MPHOSPH6: variants seen among roughly 807,000 people sequenced by gnomAD.
MPHOSPH6 encodes the protein M-phase phosphoprotein 6.
In MPHOSPH6, 25 loss-of-function variants were observed where a neutral mutation model predicts 21.8. That is an observed-to-expected ratio of 1.15 (90% CI 0.83 to 1.60). The LOEUF (loss-of-function observed/expected upper bound fraction) is 1.60. Among genes scored for constraint, MPHOSPH6 ranks in the 40% most tolerant of loss-of-function variants. The probability of loss-of-function intolerance (pLI) is 0.00; values close to 1 mark genes in which losing one functional copy is unlikely to be tolerated. For missense variants in MPHOSPH6, 269 were observed against 181.8 expected (o/e 1.48, Z -2.76); for synonymous variants, 84 against 56.5 (o/e 1.49, Z -2.18).
At chr16:82,168,045 C>A (rs2084268564) in intron 1 of MPHOSPH6, among the ~76,000 whole-genome samples, 1 of 152,212 alleles carries the variant, frequency 6.6e-6, no homozygotes, top group African/African-American at 2.4e-5. Context: ...AGCTGCTAAA[C>A]CAAATAGAGA....
intron 2 of MPHOSPH6, among the ~76,000 whole-genome samples, chr16:82,153,191 C>T (rs1906322466): frequency 6.6e-6 from 1 of 151,978 alleles, no homozygotes; most frequent in African/African-American, 2.4e-5. Flanking sequence ...GAAAGAGGGG[C>T]CAAATAATGA....
intron 1 of MPHOSPH6, among the ~76,000 whole-genome samples, chr16:82,166,059 A>C (rs72628279): frequency 0.64 from 97,241 of 151,956 alleles, 33,664 homozygotes; most frequent in East Asian, 0.78. Context: ...ACGCAAAATG[A>C]GTGCGTGTAA....
intron 2 of MPHOSPH6, among the ~76,000 whole-genome samples, chr16:82,153,517 G>A (rs1906333978): frequency 6.6e-6 from 1 of 152,116 alleles, no homozygotes; most frequent in Non-Finnish European, 1.5e-5. Context: ...GAGACAAACT[G>A]TTTCATTGGG....
intron 1 of MPHOSPH6, 114 bp downstream of exon 1, chr16:82,170,011 A>G (rs1451141369): frequency 1.3e-5 from 15 of 1,167,080 alleles, no homozygotes; most frequent in Middle Eastern, 2.3e-4. Flanking sequence ...CGAGAGCTGG[A>G]AGCCCTCTGA....
chr16:82,168,732 A>G (rs773166250), intron 1 of MPHOSPH6, among the ~76,000 whole-genome samples: 1 of 152,230 alleles, frequency 6.6e-6, no homozygotes, highest in Non-Finnish European at 1.5e-5. Context: ...TCAGCCTCTC[A>G]AAGTGCTGGG....
At chr16:82,164,370 A>G (rs1001902696) in intron 1 of MPHOSPH6, among the ~76,000 whole-genome samples, 176 bp from the exon 2 acceptor site, 1 of 152,212 alleles carries the variant, frequency 6.6e-6, no homozygotes, top group Non-Finnish European at 1.5e-5. Context: ...ACTTTACACT[A>G]GACGATGAGG....
chr16:82,153,453 A>G (rs1248381844), intron 2 of MPHOSPH6, among the ~76,000 whole-genome samples: 1 of 152,262 alleles, frequency 6.6e-6, no homozygotes, highest in Non-Finnish European at 1.5e-5. Context: ...CAATTTCCAG[A>G]TTGTGGAGCA....
intron 2 of MPHOSPH6, chr16:82,163,817 C>T: frequency 3.0e-6 from 1 of 332,324 alleles, no homozygotes; most frequent in Non-Finnish European, 5.4e-6. Flanking sequence ...CAAAGGTCTG[C>T]TGTTACTATC....
intron 1 of MPHOSPH6, among the ~76,000 whole-genome samples, chr16:82,169,474 T>G (rs993447961): frequency 1.2e-4 from 18 of 152,242 alleles, no homozygotes; most frequent in African/African-American, 3.9e-4. Flanking sequence ...GGACTTGGAC[T>G]GAGTACTTCT....
At chr16:82,159,748 G>C (rs1031656011) in intron 2 of MPHOSPH6, among the ~76,000 whole-genome samples, 2 of 152,114 alleles carry the variant, frequency 1.3e-5, no homozygotes, top group African/African-American at 4.8e-5. Context: ...TAGCTTCTGA[G>C]TTCCAAAACT....
chr16:82,169,957 C>T (rs1159061148), intron 1 of MPHOSPH6, 168 bp downstream of exon 1: 5 of 762,244 alleles, frequency 6.6e-6, no homozygotes, highest in Non-Finnish European at 9.7e-6. Context: ...TAAGCTGGTT[C>T]CCAGTAAACA....
intron 2 of MPHOSPH6, among the ~76,000 whole-genome samples, chr16:82,160,160 T>C (rs1906562564): frequency 6.6e-6 from 1 of 152,222 alleles, no homozygotes. Context: ...AGGTGTTTTG[T>C]ATCTACATGC....
intron 2 of MPHOSPH6, among the ~76,000 whole-genome samples, chr16:82,158,981 T>A (rs1906521956): frequency 6.6e-6 from 1 of 152,208 alleles, no homozygotes; most frequent in East Asian, 1.9e-4. Context: ...GACCAAGACA[T>A]GAAAAATTCA....
intron 2 of MPHOSPH6, 28 bp from the exon 3 acceptor site, chr16:82,151,542 C>T (rs747260099): frequency 2.6e-6 from 4 of 1,558,112 alleles, no homozygotes; most frequent in East Asian, 2.3e-5. Context: ...AATAGCATTT[C>T]TCCATATATA....
At position 82,149,375 on chromosome 16, in the gene MPHOSPH6, T is replaced by A; in HGVS notation, c.284A>T (p.His95Leu). The A allele has an allele frequency of 1.2e-6, 2 of 1,612,774 alleles. No individual in the cohort carries two copies. Among genetic ancestry groups the A allele is most frequent in the Non-Finnish European group, 1.7e-6 (2 of 1,180,030 alleles). The change falls in exon 4 of 5, where the codon CAC becomes CTC. Residue 95 changes from histidine (H) to leucine (L), a missense_variant. His to Leu is a moderately conservative substitution (Grantham distance 99). Coordinates refer to ENST00000258169, the MANE Select transcript of MPHOSPH6 (RefSeq NM_005792.2). ...TTCATCTTCAACTTCTTCTGCTTTG[T>A]GCTTAGCATTCATCTGAAGCATCAA... Reference protein sequence around the residue: ...EKLMLQMNAKHKAEEVEDETV... With the variant: ...EKLMLQMNAKLKAEEVEDETV...
chr16:82,162,438 C>T (rs1025515845), intron 2 of MPHOSPH6: 27 of 152,412 alleles, frequency 1.8e-4, no homozygotes, highest in African/African-American at 6.5e-4. Flanking sequence ...CTGACTTGAA[C>T]GTAATGCACG....
intron 1 of MPHOSPH6, among the ~76,000 whole-genome samples, chr16:82,165,477 T>C (rs1437379732): frequency 6.6e-6 from 1 of 152,096 alleles, no homozygotes; most frequent in Admixed American, 6.5e-5. Context: ...ATAAGCCTTT[T>C]TAGGCATAAG....
intron 2 of MPHOSPH6, among the ~76,000 whole-genome samples, chr16:82,152,198 TAC>T (rs959996828): frequency 1.1e-4 from 17 of 152,228 alleles, no homozygotes; most frequent in African/African-American, 3.1e-4. Context: ...GGTGCACTTA[TAC>T]ACAGATTTTT....
chr16:82,157,219 T>G (rs1906456769), intron 2 of MPHOSPH6, among the ~76,000 whole-genome samples: 1 of 152,146 alleles, frequency 6.6e-6, no homozygotes, highest in African/African-American at 2.4e-5. Context: ...CTCTCATACT[T>G]CCTTAGTGAA....
Sources: gnomAD v4.1 joint callset for allele counts (sites outside exome capture counted in the v4.1 genomes callset) on GRCh38, gnomAD v4.1.1 for gene constraint, MANE v1.5 for transcripts, NCBI Gene and HGNC (gene_info 2026-07-23, HGNC 2026-07-21) for gene names.